Variants in WSB2 observed in about 807,000 individuals in gnomAD.
WSB2 encodes WD repeat and SOCS box containing 2.
In WSB2, 12 loss-of-function variants were observed where a neutral mutation model predicts 48.8. The observed-to-expected ratio is 0.25, with a 90% CI of 0.16 to 0.40. WSB2 has a LOEUF of 0.40. Ranked by LOEUF, WSB2 falls within the 10% of genes least tolerant of loss-of-function variation. The pLI is 1.00. For synonymous variants in WSB2, 191 were observed against 203.1 expected (o/e 0.94, Z 0.51); for missense variants, 317 against 506.2 (o/e 0.63, Z 3.59).
At chr12:118,047,033 A>G (rs1347732224) in intron 2 of WSB2, among the ~76,000 whole-genome samples, 1 of 152,136 alleles carries the variant, frequency 6.6e-6, no homozygotes, top group Non-Finnish European at 1.5e-5. Flanking sequence ...CAGCCTCCCA[A>G]AGTGCTGAGA....
chr12:118,034,583 G>GTC (rs10624358), intron 8 of WSB2: 57,818 of 537,930 alleles, frequency 0.11, 6,144 homozygotes, highest in East Asian at 0.46. Context: ...CGCTCTCTCT[G>GTC]TCTCTCTCTC....
At chr12:118,061,263 A>C, upstream of WSB2, 69 of 747,718 alleles carry the variant, frequency 9.2e-5, no homozygotes, top group South Asian at 2.5e-4. Flanking sequence ...ACGGGATAAA[A>C]ACGGTGGGGG....
chr12:118,037,442 G>A (rs1002910515), intron 5 of WSB2, among the ~76,000 whole-genome samples: 7 of 152,074 alleles, frequency 4.6e-5, no homozygotes, highest in African/African-American at 1.7e-4. Flanking sequence ...CCAGGCGGGC[G>A]GATCACCTGA....
chr12:118,034,574 G>GCGCTCTCTCTCTCTCTCTCTCTCTCT, intron 8 of WSB2: 1 of 528,460 alleles, frequency 1.9e-6, no homozygotes, highest in Non-Finnish European at 3.3e-6. Flanking sequence ...ATACCAAAGC[G>GCGCTCTCTCTCTCTCTCTCTCTCTCT]CTCTCTCTGT....
intron 2 of WSB2, among the ~76,000 whole-genome samples, chr12:118,049,775 C>A (rs113338121): frequency 1.3e-5 from 2 of 152,200 alleles, no homozygotes; most frequent in African/African-American, 4.8e-5. Flanking sequence ...ATTTATCCCC[C>A]TCAACTCTAG....
Position 118,054,223 on chromosome 12 carries a change from A to AC in WSB2, c.14-1746_14-1745insG, listed in dbSNP as rs1566142685. Among the ~76,000 whole-genome samples the AC allele has an allele frequency of 1.9e-3, 276 of 148,602 alleles. 4 individuals carry two copies. Among genetic ancestry groups the AC allele is most frequent in the African/African-American group, 6.3e-3 (253 of 40,406 alleles). On this transcript the variant is annotated intron_variant, in intron 1 of 8. Coordinates refer to ENST00000315436, the MANE Select transcript of WSB2 (RefSeq NM_018639.5). ...CATGTCTCTACTAAAAATCCAAAAA[A>AC]AAAAAAAAAAAAAAAAAATTAGCCA...
At chr12:118,038,721 C>G (rs1255578279) in intron 4 of WSB2, among the ~76,000 whole-genome samples, 1 of 152,102 alleles carries the variant, frequency 6.6e-6, no homozygotes, top group African/African-American at 2.4e-5. Flanking sequence ...TGCTCTGTCT[C>G]CCAGACTAGA....
chr12:118,034,936 GT>G, intron 8 of WSB2, 49 bp downstream of exon 8: 1 of 1,560,224 alleles, frequency 6.4e-7, no homozygotes, highest in East Asian at 2.2e-5. Flanking sequence ...AAGCTCCATG[GT>G]ATACTCAGCA....
rs1447131709 is a variant in WSB2, at chr12:118,041,247, G to A, written c.559+1594C>T. Among the ~76,000 whole-genome samples the A allele has an allele frequency of 5.3e-5, 8 of 152,236 alleles. No homozygotes were observed. The East Asian group carries it at 1.5e-3, about 29-fold the overall frequency. The stretch of plus-strand genomic sequence containing the variant: ...TTTGAGAAGTCAATAGGTCATGAGG[G>A]TGAAGCCTCAGGAATGGGATTAGTG... On this transcript the variant is annotated intron_variant, in intron 4 of 8. Coordinates refer to ENST00000315436, the MANE Select transcript of WSB2 (RefSeq NM_018639.5).
In WSB2 at chr12:118,036,422, T is replaced by A; in HGVS notation, c.749A>T (p.Asp250Val). 6.2e-7 allele frequency: 1 copy of A among 1,613,912 alleles called. No individual in the cohort carries two copies. The highest frequency in any genetic ancestry group is 8.5e-7 in the Non-Finnish European group (1 of 1,179,994). Residue 250 changes from aspartate to valine, a missense_variant, in exon 6 of 9, where the codon GAC becomes GTC. By Grantham distance (152) the Asp-to-Val change is radical. Around this residue, in one of 2 missense-constraint regions of WSB2, gnomAD observed 189 missense variants for 349.6 expected, o/e 0.54. Coordinates refer to ENST00000315436, the MANE Select transcript of WSB2 (RefSeq NM_018639.5). The stretch of plus-strand genomic sequence containing the variant: ...AGAAGCCGTGACAAGCAGGGCAGAG[T>A]CGGGGGAGAAGTCACAAGAGACAAC... ...SSVVSCDFSPDSALLVTASYD... is the reference protein window; with the variant it reads ...SSVVSCDFSPVSALLVTASYD...
chr12:118,046,894 C>T (rs770871875), intron 2 of WSB2, among the ~76,000 whole-genome samples: 8 of 152,106 alleles, frequency 5.3e-5, no homozygotes, highest in Non-Finnish European at 1.0e-4. Flanking sequence ...ATCTCAGCCT[C>T]CTGAGTAGCT....
At chr12:118,057,921 A>AT (rs766442233) in intron 1 of WSB2, among the ~76,000 whole-genome samples, 131 of 143,822 alleles carry the variant, frequency 9.1e-4, no homozygotes, top group African/African-American at 1.4e-3. Flanking sequence ...CACACTCAGC[A>AT]TTTTTTTTTT....
chr12:118,035,813 A>G (rs2031496955), intron 6 of WSB2: 1 of 165,340 alleles, frequency 6.0e-6, no homozygotes, highest in Non-Finnish European at 1.3e-5. Flanking sequence ...AGGCTTCATA[A>G]TGCTGATTCC....
intron 1 of WSB2, 148 bp from the exon 2 acceptor site, chr12:118,052,626 G>A: frequency 8.5e-7 from 1 of 1,172,650 alleles, no homozygotes; most frequent in Non-Finnish European, 1.2e-6. Context: ...GGCAATAACA[G>A]CAGCCACAGG....
intron 8 of WSB2, chr12:118,034,618 C>T (rs146455688): frequency 1.3e-5 from 6 of 459,868 alleles, no homozygotes; most frequent in Middle Eastern, 6.2e-4. Context: ...TAAATCTGAC[C>T]ACAGTTAGTT....
intron 2 of WSB2, among the ~76,000 whole-genome samples, chr12:118,051,602 G>C (rs1411483652): frequency 6.6e-6 from 1 of 152,214 alleles, no homozygotes; most frequent in African/African-American, 2.4e-5. Flanking sequence ...GTTGCCTGGA[G>C]AGTGCAGGGG....
chr12:118,061,572 A>C (rs1365918176), upstream of WSB2, among the ~76,000 whole-genome samples: 2 of 150,584 alleles, frequency 1.3e-5, no homozygotes, highest in Non-Finnish European at 3.0e-5. Context: ...AGCCGGGCTC[A>C]GGGGAAAAGG....
chr12:118,046,551 C>CA (rs1275365789), intron 2 of WSB2, among the ~76,000 whole-genome samples: 3 of 152,118 alleles, frequency 2.0e-5, no homozygotes, highest in African/African-American at 7.2e-5. Flanking sequence ...TTATTCTGGC[C>CA]AAACAATCTG....
In WSB2 at chr12:118,033,409, GA is replaced by G. The variant is rs1056603836; in HGVS notation, c.*786del. On this transcript the variant is annotated 3_prime_UTR_variant, in exon 9 of 9. Coordinates refer to ENST00000315436, the MANE Select transcript of WSB2 (RefSeq NM_018639.5). ...ACAGTTGTACCTTAACATCTGTTGA[GA>G]AAATACAAATAAATATGATGCTAAT... is the stretch of plus-strand genomic sequence containing the variant. The G allele has an allele frequency of 1.0e-4, 16 of 152,654 alleles. No individual in the cohort carries two copies. The highest frequency in any genetic ancestry group is 3.6e-4 in the African/African-American group (15 of 41,536). 9.5% of individuals were successfully genotyped at this position (152,654 alleles called of 1,614,324 possible). A position where few individuals can be genotyped will look rare whatever the true frequency, so the allele number is the denominator to read the frequency against.
Sources: gnomAD v4.1 joint callset for allele counts (sites outside exome capture counted in the v4.1 genomes callset) on GRCh38, gnomAD v4.1.1 for gene constraint, gnomAD v4.1.1 regional missense constraint, MANE v1.5 for transcripts, NCBI Gene and HGNC (gene_info 2026-07-23, HGNC 2026-07-21) for gene names.